The following LRRN2 variants were observed in gnomAD, a reference collection of about 807,000 sequenced individuals.
LRRN2 encodes the protein leucine rich repeat neuronal 2.
A neutral mutation model predicts 35.7 loss-of-function variants in LRRN2; 10 were observed. The observed-to-expected ratio is 0.28, with a 90% CI of 0.17 to 0.47. The LOEUF (loss-of-function observed/expected upper bound fraction) is 0.47. LRRN2 is among the 20% of genes least tolerant of loss of function. The pLI is 0.99. For synonymous variants in LRRN2, 391 were observed against 409.6 expected, an observed-to-expected ratio of 0.95 and a Z score of 0.55; for missense variants, 731 against 940.3, an observed-to-expected ratio of 0.78 and a Z score of 2.91.
chr1:204,672,394 C>G (rs1668734005), intron 1 of LRRN2, among the ~76,000 whole-genome samples: 1 of 152,126 alleles, frequency 6.6e-6, no homozygotes. Flanking sequence ...TAGGGAGCAA[C>G]AAATGGGTAC....
At chr1:204,622,541 CAT>C (rs763628642) in intron 1 of LRRN2, among the ~76,000 whole-genome samples, 98 of 152,300 alleles carry the variant, frequency 6.4e-4, no homozygotes, top group African/African-American at 1.7e-3. Flanking sequence ...TGAACAAACA[CAT>C]GTGTACACAT....
intron 1 of LRRN2, among the ~76,000 whole-genome samples, chr1:204,639,038 CG>C (rs1008238530): frequency 3.0e-4 from 46 of 152,324 alleles, no homozygotes; most frequent in Non-Finnish European, 5.6e-4. Flanking sequence ...AGTGGTGGCA[CG>C]GCCCCCTGGG....
In LRRN2 at chr1:204,674,477, G is replaced by A. The variant is rs1247492976; in HGVS notation, c.-227+10843C>T. 2.6e-5 allele frequency among the ~76,000 whole-genome samples: 4 copies of A among 152,296 alleles called. No homozygotes were observed. In the East Asian group the frequency reaches 5.8e-4, roughly 22 times the overall value. ...CGGCCGGTGGCTCAGGTGTGTTTCAGGGAGAGCTGGGAAGGTCAAAATGCC... is the reference window on the plus strand; with the variant it reads ...CGGCCGGTGGCTCAGGTGTGTTTCAAGGAGAGCTGGGAAGGTCAAAATGCC... On this transcript the variant is annotated intron_variant, in intron 1 of 1. Coordinates refer to ENST00000367177, the MANE Select transcript of LRRN2 (RefSeq NM_201630.2).
intron 1 of LRRN2, among the ~76,000 whole-genome samples, chr1:204,631,259 TA>T (rs1558407657): frequency 3.5e-5 from 1 of 28,182 alleles, no homozygotes; most frequent in East Asian, 1.8e-3. Context: ...GAGTGTTCTA[TA>T]TATATATATA....
At chr1:204,637,865 A>G (rs1353778621) in intron 1 of LRRN2, among the ~76,000 whole-genome samples, 1 of 152,312 alleles carries the variant, frequency 6.6e-6, no homozygotes, top group African/African-American at 2.4e-5. Context: ...AAGCAGCATT[A>G]GGCAATTTAA....
intron 1 of LRRN2, among the ~76,000 whole-genome samples, chr1:204,632,175 A>G (rs1490664735): frequency 6.6e-6 from 1 of 152,190 alleles, no homozygotes; most frequent in East Asian, 1.9e-4. Context: ...TCAAGCCTGC[A>G]GTGAGCTATG....
At chr1:204,639,307 A>G (rs1425388623) in intron 1 of LRRN2, among the ~76,000 whole-genome samples, 2 of 152,228 alleles carry the variant, frequency 1.3e-5, no homozygotes, top group Non-Finnish European at 2.9e-5. Flanking sequence ...GTACAGAGAA[A>G]CATCCTCCTG....
At chr1:204,667,778 C>T (rs1403731620) in intron 1 of LRRN2, among the ~76,000 whole-genome samples, 3 of 152,184 alleles carry the variant, frequency 2.0e-5, no homozygotes, top group South Asian at 2.1e-4. Flanking sequence ...GCAGAAGGAA[C>T]GGTCTGAGAA....
chr1:204,636,121 G>A (rs1413887584), intron 1 of LRRN2, among the ~76,000 whole-genome samples: 2 of 152,038 alleles, frequency 1.3e-5, no homozygotes, highest in African/African-American at 4.8e-5. Context: ...TACCTTCCAC[G>A]AGCATCGTCA....
intron 1 of LRRN2, among the ~76,000 whole-genome samples, chr1:204,648,922 G>A (rs753935050): frequency 3.9e-5 from 6 of 152,180 alleles, no homozygotes; most frequent in African/African-American, 9.7e-5. Flanking sequence ...TCCACTAGCC[G>A]AGCTGCCTCC....
chr1:204,620,423 G>A, intron 1 of LRRN2: 1 of 202,186 alleles, frequency 4.9e-6, no homozygotes, highest in Non-Finnish European at 1.1e-5. Flanking sequence ...ACAGGCACCT[G>A]CCACCACTCC....
In LRRN2 at chr1:204,631,258, ATATATATATATAT is replaced by A. The variant is rs1667688435; in HGVS notation, c.-226-11053_-226-11041del. 2.9e-3 allele frequency among the ~76,000 whole-genome samples: 112 copies of A among 38,984 alleles called. 14 individuals are homozygous for A. In the East Asian group the frequency reaches 0.041, roughly 14 times the overall value. 25.6% of individuals were successfully genotyped at this position (38,984 alleles called of 152,430 possible). Reference sequence around the variant, plus strand: ...AGAAGAGTGATACCTAGAGTGTTCTATATATATATATATATATATATATATATATATATATATA... The same window carrying A: ...AGAAGAGTGATACCTAGAGTGTTCTAATATATATATATATATATATATATA... On this transcript the variant is annotated intron_variant, in intron 1 of 1. Coordinates refer to ENST00000367177, the MANE Select transcript of LRRN2 (RefSeq NM_201630.2).
Position 204,620,294 on chromosome 1 carries a change from G to C in LRRN2, c.-226-76C>G. 5.6e-6 allele frequency: 6 copies of C among 1,072,512 alleles called. No homozygotes were observed. In the Middle Eastern group the frequency reaches 1.3e-3, roughly 240 times the overall value. The allele number at this position is 1,072,512 out of a possible 1,614,324, so 66.4% of individuals were successfully genotyped here. A position where few individuals can be genotyped will look rare whatever the true frequency, so the allele number is the denominator to read the frequency against. ...CCCCTCCTCCCGTGTTTGTTTGTTTGAGACAGAGTCTCATTCTGTCACCCA... is the reference window on the plus strand; with the variant it reads ...CCCCTCCTCCCGTGTTTGTTTGTTTCAGACAGAGTCTCATTCTGTCACCCA... On this transcript the variant is annotated intron_variant, in intron 1 of 1. Transcript: ENST00000367177.
rs1300043123 is a variant in LRRN2, at chr1:204,618,932, G to A, written c.1061C>T (p.Thr354Met). ...CTGCAGGTTGGGCAGGGACTCCACCGTCTGCTGGTGCAAGGCACTGAGAGC... is the reference window on the plus strand; with the variant it reads ...CTGCAGGTTGGGCAGGGACTCCACCATCTGCTGGTGCAAGGCACTGAGAGC... ...NNALSALHQQ[T>M]VESLPNLQEV... Residue 354 changes from threonine (T) to methionine (M), a missense_variant, in exon 2 of 2, where the codon ACG (threonine) becomes ATG (methionine). Transcript: ENST00000367177. The A allele has an allele frequency of 1.2e-6, 2 of 1,614,112 alleles. No homozygotes were observed. The highest frequency in any genetic ancestry group is 1.7e-6 in the Non-Finnish European group (2 of 1,180,006).
Position 204,618,019 on chromosome 1 carries a change from A to T in LRRN2, c.1974T>A (p.Gly658=). Residue 658 remains glycine (G), a synonymous_variant, in exon 2 of 2, where the codon GGT becomes GGA. Transcript: ENST00000367177. ...AHLGTGQPRK[G]VGGRRPLPPA... ...GAGGGAGAGGCCGCCTCCCACCCAC[A>T]CCCTTCCTGGGTTGGCCTGTGCCAA... 6.2e-7 allele frequency: 1 copy of T among 1,612,318 alleles called. No individual in the cohort carries two copies. The highest frequency in any genetic ancestry group is 8.5e-7 in the Non-Finnish European group (1 of 1,179,268).
At chr1:204,660,780 T>C (rs1668456027) in intron 1 of LRRN2, among the ~76,000 whole-genome samples, 1 of 152,240 alleles carries the variant, frequency 6.6e-6, no homozygotes, top group Non-Finnish European at 1.5e-5. Flanking sequence ...AGGCTTGTTC[T>C]GTGCAATTTC....
chr1:204,657,592 G>T (rs958026078), intron 1 of LRRN2, among the ~76,000 whole-genome samples: 4 of 152,092 alleles, frequency 2.6e-5, no homozygotes, highest in Admixed American at 2.6e-4. Flanking sequence ...GGAGAATGAG[G>T]AGTGGCTGCT....
chr1:204,665,695 G>A (rs1448315973), intron 1 of LRRN2, among the ~76,000 whole-genome samples: 2 of 152,200 alleles, frequency 1.3e-5, no homozygotes, highest in African/African-American at 2.4e-5. Flanking sequence ...GGGACAGTGG[G>A]AGCTGCTCAA....
chr1:204,682,520 A>G (rs1325235644), intron 1 of LRRN2, among the ~76,000 whole-genome samples: 1 of 152,258 alleles, frequency 6.6e-6, no homozygotes, highest in African/African-American at 2.4e-5. Flanking sequence ...TATGACCCGG[A>G]GCAAGTGGTT....
Sources: allele counts gnomAD v4.1 joint callset (sites outside exome capture counted in the v4.1 genomes callset), GRCh38; gene constraint gnomAD v4.1.1; transcripts MANE v1.5; gene names NCBI Gene and HGNC (gene_info 2026-07-23, HGNC 2026-07-21).